Variants in PLA1A observed in about 807,000 individuals in gnomAD.
The protein encoded by PLA1A is phospholipase A1 member A.
A neutral mutation model predicts 49.4 loss-of-function variants in PLA1A; 47 were observed. That is an observed-to-expected ratio of 0.95 (90% CI 0.75 to 1.21). The LOEUF (loss-of-function observed/expected upper bound fraction) is 1.21, where lower values mean the gene tolerates loss of function less well. PLA1A is among the 50% of genes most tolerant of loss of function. The probability of loss-of-function intolerance (pLI) is 0.00; values close to 1 mark genes in which losing one functional copy is unlikely to be tolerated. For missense variants in PLA1A, 561 were observed against 563.9 expected (o/e 0.99, Z 0.05); for synonymous variants, 224 against 207.9 (o/e 1.08, Z -0.67).
At chr3:119,599,010 G>C (rs929316456) in intron 1 of PLA1A, among the ~76,000 whole-genome samples, 1 of 152,176 alleles carries the variant, frequency 6.6e-6, no homozygotes, top group Non-Finnish European at 1.5e-5. Flanking sequence ...TTTTAGCATA[G>C]TTAGTGCTGT....
At chr3:119,620,096 G>C (rs1190002934) in intron 8 of PLA1A, 1 of 457,508 alleles carries the variant, frequency 2.2e-6, no homozygotes, top group Non-Finnish European at 4.4e-6. Flanking sequence ...GCTTCTCACT[G>C]TTGCTCCTAA....
chr3:119,610,232 G>A lies in PLA1A; in HGVS notation c.562+656G>A, dbSNP rs189973336. On this transcript the variant is annotated intron_variant, in intron 4 of 10. Transcript: ENST00000273371. Reference sequence around the variant, plus strand: ...TCTTTATCCAGTCTACCATTGGTTGGCACCTGGGTTGATTCCAAGTCTTTG... The same window carrying A: ...TCTTTATCCAGTCTACCATTGGTTGACACCTGGGTTGATTCCAAGTCTTTG... Among the ~76,000 whole-genome samples the A allele has an allele frequency of 3.1e-4, 47 of 152,200 alleles. 2 individuals are homozygous for A. The highest frequency in any genetic ancestry group is 3.4e-3 in the Middle Eastern group (1 of 294).
intron 3 of PLA1A, 23 bp from the exon 4 acceptor site, chr3:119,609,445 A>T: frequency 6.9e-7 from 1 of 1,440,756 alleles, no homozygotes; most frequent in South Asian, 1.1e-5. Flanking sequence ...CCCACGGGGA[A>T]CTCACTGTTC....
rs2052599563 is a variant in PLA1A at position 119,629,679 on chromosome 3, T to C, written c.*211T>C. The stretch of plus-strand genomic sequence containing the variant: ...GTTTCCTTTGCCGATCTTATGTACA[T>C]ACCCATTTTAGCTTTCCCATGCATA... On this transcript the variant is annotated 3_prime_UTR_variant, in exon 11 of 11. Coordinates refer to ENST00000273371, the MANE Select transcript of PLA1A (RefSeq NM_015900.4). The C allele has an allele frequency of 3.7e-6, 2 of 536,974 alleles. No homozygotes were observed. Among genetic ancestry groups the C allele is most frequent in the South Asian group, 3.0e-5 (1 of 33,660 alleles). 33.3% of individuals were successfully genotyped at this position (536,974 alleles called of 1,614,324 possible). A position where few individuals can be genotyped will look rare whatever the true frequency, so the allele number is the denominator to read the frequency against.
intron 8 of PLA1A, among the ~76,000 whole-genome samples, chr3:119,620,893 A>G (rs2082919920): frequency 6.6e-6 from 1 of 152,202 alleles, no homozygotes; most frequent in Non-Finnish European, 1.5e-5. Context: ...CCAAGTCTCC[A>G]CAGCTGGATG....
At chr3:119,628,287 T>G (rs1205259739) in intron 9 of PLA1A, among the ~76,000 whole-genome samples, 2 of 152,234 alleles carry the variant, frequency 1.3e-5, no homozygotes, top group African/African-American at 4.8e-5. Context: ...CACCCACACA[T>G]TCATACTTAG....
At chr3:119,610,511 TA>T (rs2082750861) in intron 4 of PLA1A, among the ~76,000 whole-genome samples, 1 of 152,172 alleles carries the variant, frequency 6.6e-6, no homozygotes, top group Non-Finnish European at 1.5e-5. Flanking sequence ...CACTTTTTTA[TA>T]ATAGCAATTC....
In PLA1A at chr3:119,618,073, C is replaced by A; in HGVS notation, c.809C>A (p.Ala270Asp). The change falls in exon 7 of 11, where the codon GCC becomes GAC. Residue 270 changes from alanine to aspartate, a missense_variant. Transcript: ENST00000273371. ...HMRAVHLYIS[A>D]LENSCPLMAF... is the part of the protein sequence containing the mutation. ...AGGGCTGTGCACCTCTACATCAGCGCCCTGGAGAATTCCTGTCCACTGATG... is the reference window on the plus strand; with the variant it reads ...AGGGCTGTGCACCTCTACATCAGCGACCTGGAGAATTCCTGTCCACTGATG... The A allele has an allele frequency of 6.2e-7, 1 of 1,613,804 alleles. No individual in the cohort carries two copies. Among genetic ancestry groups the A allele is most frequent in the Non-Finnish European group, 8.5e-7 (1 of 1,179,668 alleles).
chr3:119,604,285 T>A (rs1395563532), intron 1 of PLA1A, among the ~76,000 whole-genome samples: 1 of 152,060 alleles, frequency 6.6e-6, no homozygotes, highest in Non-Finnish European at 1.5e-5. Flanking sequence ...AGTCAGTATA[T>A]CAAAGAGATA....
At chr3:119,615,015 G>C (rs2082826282) in intron 5 of PLA1A, among the ~76,000 whole-genome samples, 3 of 152,212 alleles carry the variant, frequency 2.0e-5, no homozygotes, top group African/African-American at 7.2e-5. Context: ...TTTGGAGGTA[G>C]AGCTGACTAG....
Position 119,615,877 on chromosome 3 carries a change from C to T in PLA1A, c.665-135C>T, listed in dbSNP as rs575083591. 3.8e-5 allele frequency: 24 copies of T among 633,138 alleles called. No individual in the cohort carries two copies. In the South Asian group the frequency reaches 4.1e-4, roughly 11 times the overall value. 39.2% of individuals were successfully genotyped at this position (633,138 alleles called of 1,614,324 possible). ...AAAAGAAAAGAAATCTGTCTGAGGG[C>T]TCATCCTGTGAAGTCTCACAGCACT... On this transcript the variant is annotated intron_variant, in intron 5 of 10. Transcript: ENST00000273371.
chr3:119,618,261 T>A, intron 7 of PLA1A, 75 bp downstream of exon 7: 1 of 1,210,026 alleles, frequency 8.3e-7, no homozygotes, highest in Admixed American at 2.1e-5. Context: ...CCTCTTAATG[T>A]CCTGATGTCC....
chr3:119,605,615 G>A (rs2082675979), intron 1 of PLA1A, among the ~76,000 whole-genome samples: 1 of 152,228 alleles, frequency 6.6e-6, no homozygotes, highest in African/African-American at 2.4e-5. Context: ...GCAATGCTGT[G>A]TGGGACTGTG....
At position 119,618,019 on chromosome 3, in the gene PLA1A, G is replaced by A. The variant is rs1004620324; in HGVS notation, c.755G>A (p.Gly252Asp). 14 of 1,609,030 alleles carry A rather than the reference G, an allele frequency of 8.7e-6. No homozygotes were observed. Among genetic ancestry groups the A allele is most frequent in the South Asian group, 1.1e-5 (1 of 90,104 alleles). The change falls in exon 7 of 11, where the codon GGT (glycine) becomes GAT (aspartate). Residue 252 changes from glycine (G) to aspartate (D), a missense_variant and splice_region_variant. By Grantham distance (94) the Gly-to-Asp change is moderately conservative. Coordinates refer to ENST00000273371, the MANE Select transcript of PLA1A (RefSeq NM_015900.4). ...QPGCPTFFYAGYSYLICDHMR... is the reference protein window; with the variant it reads ...QPGCPTFFYADYSYLICDHMR... ...TTGGTTGTGTTTTTTCTCTGTTCAG[G>A]TTATAGTTATCTGATCTGTGATCAC...
rs957141836 is a variant in PLA1A, at chr3:119,609,524, C to A, written c.510C>A (p.His170Gln). 4 of 1,613,088 alleles carry A rather than the reference C, an allele frequency of 2.5e-6. No individual in the cohort carries two copies. The highest frequency in any genetic ancestry group is 4.5e-5 in the East Asian group (2 of 44,876). Residue 170 changes from histidine to glutamine, a missense_variant, in exon 4 of 11, where the codon CAC (histidine) becomes CAA (glutamine). Physicochemically the swap from His to Gln is conservative, Grantham distance 24. Transcript: ENST00000273371. ...IHIIGVSLGA[H>Q]VGGMVGQLFG... ...TCATTGGTGTTAGCCTGGGGGCCCA[C>A]GTTGGGGGCATGGTGGGACAGCTCT...
chr3:119,627,021 G>A (rs1045846047), intron 9 of PLA1A, among the ~76,000 whole-genome samples: 4 of 152,164 alleles, frequency 2.6e-5, no homozygotes, highest in Non-Finnish European at 5.9e-5. Context: ...ATCACCTGGA[G>A]AGCTTTAAAA....
intron 8 of PLA1A, 54 bp downstream of exon 8, chr3:119,619,706 T>C (rs2082902125): frequency 1.7e-6 from 2 of 1,193,848 alleles, no homozygotes; most frequent in Admixed American, 3.4e-5. Flanking sequence ...ACCAGAGGAG[T>C]CCAGCCCAGT....
At chr3:119,617,021 G>C (rs2082857080) in intron 6 of PLA1A, among the ~76,000 whole-genome samples, 1 of 152,224 alleles carries the variant, frequency 6.6e-6, no homozygotes, top group Admixed American at 6.5e-5. Context: ...CTTGGCCTTG[G>C]TTGCAGGTCT....
Position 119,606,807 on chromosome 3 carries a change from C to T in PLA1A, c.107C>T (p.Ala36Val), listed in dbSNP as rs755065035. ...CCTCCTACCCCACAGCCAAAGTGCG[C>T]TGACTTCCAGAGCGCCAACCTTTTT... ...DAPPTPQPKC[A>V]DFQSANLFEG... The change falls in exon 2 of 11, where the codon GCT (alanine) becomes GTT (valine). Residue 36 changes from alanine (A) to valine (V), a missense_variant. By Grantham distance (64) the Ala-to-Val change is moderately conservative. Coordinates refer to ENST00000273371, the MANE Select transcript of PLA1A (RefSeq NM_015900.4). 6.2e-7 allele frequency: 1 copy of T among 1,614,202 alleles called. No homozygotes were observed. Among genetic ancestry groups the T allele is most frequent in the South Asian group, 1.1e-5 (1 of 91,084 alleles).
Sources: gnomAD v4.1 joint callset for allele counts (sites outside exome capture counted in the v4.1 genomes callset) on GRCh38, gnomAD v4.1.1 for gene constraint, MANE v1.5 for transcripts, NCBI Gene and HGNC (gene_info 2026-07-23, HGNC 2026-07-21) for gene names.